CLEC2A: variants seen among roughly 807,000 people sequenced by gnomAD.
The protein encoded by CLEC2A is keratinocyte-associated C-type lectin.
Under a neutral mutation model 18.6 loss-of-function variants are expected in CLEC2A, and 19 were observed. The ratio of observed to expected loss-of-function variants is 1.02; its 90% CI spans 0.71 to 1.50. CLEC2A has a LOEUF of 1.50. Ranked by LOEUF, CLEC2A falls within the 40% of genes most tolerant of loss-of-function variation. CLEC2A has a pLI of 0.00. For missense variants in CLEC2A, 190 were observed against 207.9 expected, an observed-to-expected ratio of 0.91 and a Z score of 0.53; for synonymous variants, 74 against 64.0, an observed-to-expected ratio of 1.16 and a Z score of -0.75.
intron 1 of CLEC2A, among the ~76,000 whole-genome samples, chr12:9,931,771 C>T (rs1014799772): frequency 1.3e-5 from 2 of 152,120 alleles, no homozygotes; most frequent in African/African-American, 4.8e-5. Flanking sequence ...AACATAAACC[C>T]TCAGAACTAT....
At chr12:9,904,888 C>T (rs934072441) in intron 4 of CLEC2A, among the ~76,000 whole-genome samples, 3 of 152,198 alleles carry the variant, frequency 2.0e-5, no homozygotes, top group African/African-American at 7.2e-5. Context: ...GTTGGGTGGT[C>T]TGCCAAACAT....
chr12:9,927,342 T>C (rs61913473), intron 1 of CLEC2A, among the ~76,000 whole-genome samples: 10,455 of 152,248 alleles, frequency 0.069, 453 homozygotes, highest in Non-Finnish European at 0.093. Flanking sequence ...GGTACACCTT[T>C]ACAAGGCAGC....
the CLEC2A span, among the ~76,000 whole-genome samples, chr12:9,891,453 C>T: frequency 2.2e-4 from 34 of 152,136 alleles, no homozygotes; most frequent in Admixed American, 2.2e-3. Flanking sequence ...TCCATTGTGT[C>T]TGGCAGCACT....
downstream of CLEC2A, among the ~76,000 whole-genome samples, chr12:9,893,804 C>T (rs761180023): frequency 5.9e-5 from 9 of 151,808 alleles, no homozygotes; most frequent in Non-Finnish European, 1.3e-4. Flanking sequence ...TTTAATTGTC[C>T]AAAATTCATA....
chr12:9,927,950 A>C (rs1344255161), intron 1 of CLEC2A, among the ~76,000 whole-genome samples: 1 of 152,196 alleles, frequency 6.6e-6, no homozygotes, highest in African/African-American at 2.4e-5. Flanking sequence ...TGTCTTACAC[A>C]AAAGGTATTG....
At chr12:9,918,225 G>A (rs779618499) in intron 3 of CLEC2A, among the ~76,000 whole-genome samples, 2 of 151,986 alleles carry the variant, frequency 1.3e-5, no homozygotes, top group Non-Finnish European at 2.9e-5. Flanking sequence ...TCTTTTTATA[G>A]TTTGGGGTTT....
the CLEC2A span, among the ~76,000 whole-genome samples, chr12:9,888,377 A>G: frequency 2.0e-5 from 3 of 151,850 alleles, no homozygotes; most frequent in South Asian, 6.2e-4. Flanking sequence ...GTAGTCCCAT[A>G]TGCTCGGGAG....
intron 1 of CLEC2A, among the ~76,000 whole-genome samples, chr12:9,926,976 T>C (rs1008557746): frequency 6.6e-6 from 1 of 152,184 alleles, no homozygotes; most frequent in Non-Finnish European, 1.5e-5. Flanking sequence ...AAAGTAATTG[T>C]AGCTGATATA....
intron 1 of CLEC2A, among the ~76,000 whole-genome samples, chr12:9,931,974 A>G (rs1487794583): frequency 2.6e-5 from 4 of 152,210 alleles, no homozygotes; most frequent in Non-Finnish European, 5.9e-5. Context: ...TATTCTGTAT[A>G]AAAGTGTTAA....
chr12:9,892,242 G>T, the CLEC2A span, among the ~76,000 whole-genome samples: 1 of 152,160 alleles, frequency 6.6e-6, no homozygotes, highest in South Asian at 2.1e-4. Context: ...GAAGGAAGAG[G>T]AGGCTATTCA....
intron 4 of CLEC2A, among the ~76,000 whole-genome samples, chr12:9,907,465 G>T (rs1170474627): frequency 2.0e-5 from 3 of 152,078 alleles, no homozygotes; most frequent in Admixed American, 6.6e-5. Context: ...CAAAGGTAAG[G>T]ATCTGATTCC....
At chr12:9,923,503 T>G (rs1464195210) in intron 2 of CLEC2A, among the ~76,000 whole-genome samples, 1 of 152,152 alleles carries the variant, frequency 6.6e-6, no homozygotes, top group Non-Finnish European at 1.5e-5. Context: ...GTTCAACCAT[T>G]GTGGAAGACA....
chr12:9,932,188 G>GT, intron 1 of CLEC2A, 87 bp downstream of exon 1: 3 of 965,300 alleles, frequency 3.1e-6, no homozygotes, highest in Non-Finnish European at 4.8e-6. Flanking sequence ...GACTTTCACA[G>GT]TAAGTAAAGA....
intron 4 of CLEC2A, among the ~76,000 whole-genome samples, chr12:9,907,721 C>T (rs1406758589): frequency 6.6e-6 from 1 of 152,120 alleles, no homozygotes; most frequent in African/African-American, 2.4e-5. Flanking sequence ...GAAACCTGTT[C>T]TAAATTTGGC....
chr12:9,926,065 A>G (rs181134195), intron 2 of CLEC2A, among the ~76,000 whole-genome samples, 195 bp downstream of exon 2: 14 of 152,330 alleles, frequency 9.2e-5, no homozygotes, highest in African/African-American at 2.9e-4. Context: ...ACATAATTCT[A>G]TTGTAAAACT....
the CLEC2A span, chr12:9,893,545 A>C: frequency 1.1e-4 from 144 of 1,306,988 alleles, 1 homozygote; most frequent in Middle Eastern, 9.0e-4. Flanking sequence ...CAGAATTGTG[A>C]GTAGTTATTT....
intron 1 of CLEC2A, among the ~76,000 whole-genome samples, chr12:9,927,894 T>A (rs554569833): frequency 6.6e-6 from 1 of 152,050 alleles, no homozygotes; most frequent in East Asian, 1.9e-4. Context: ...TAAAAACCAC[T>A]GCACAAATTT....
chr12:9,916,154 C>T (rs1863068025), intron 4 of CLEC2A, among the ~76,000 whole-genome samples: 1 of 151,786 alleles, frequency 6.6e-6, no homozygotes, highest in Admixed American at 6.6e-5. Flanking sequence ...AATCCTCAAC[C>T]ATTTTAACCC....
At chr12:9,900,704 C>T (rs1414280124) in intron 4 of CLEC2A, among the ~76,000 whole-genome samples, 1 of 152,194 alleles carries the variant, frequency 6.6e-6, no homozygotes, top group Non-Finnish European at 1.5e-5. Flanking sequence ...AAGTGACATT[C>T]TTTACTGACC....
Sources: gnomAD v4.1 joint callset for allele counts (sites outside exome capture counted in the v4.1 genomes callset) on GRCh38, gnomAD v4.1.1 for gene constraint, MANE v1.5 for transcripts, NCBI Gene and HGNC (gene_info 2026-07-23, HGNC 2026-07-21) for gene names.